The following WDR72 variants were observed in gnomAD, a reference collection of about 807,000 sequenced individuals.
WDR72 encodes the protein WD repeat domain 72.
WDR72 carries 120 observed loss-of-function variants against 124.2 expected under a neutral mutation model. That is an observed-to-expected ratio of 0.97 (90% CI 0.83 to 1.12). WDR72 has a LOEUF of 1.12. Among genes scored for constraint, WDR72 ranks in the 50% most tolerant of loss-of-function variants. The probability of loss-of-function intolerance (pLI) is 0.00; values close to 1 mark genes in which losing one functional copy is unlikely to be tolerated. For missense variants in WDR72, 1,387 were observed against 1,278.8 expected, an observed-to-expected ratio of 1.08 and a Z score of -1.29; for synonymous variants, 452 against 441.7, an observed-to-expected ratio of 1.02 and a Z score of -0.29.
At chr15:53,533,078 ACAAT>A (rs1223683598) in intron 18 of WDR72, among the ~76,000 whole-genome samples, 1 of 152,116 alleles carries the variant, frequency 6.6e-6, no homozygotes, top group Non-Finnish European at 1.5e-5. Context: ...GACGAGCAAC[ACAAT>A]CAACCAACCA....
chr15:53,608,979 T>G (rs1379181432), intron 17 of WDR72, among the ~76,000 whole-genome samples: 2 of 151,988 alleles, frequency 1.3e-5, no homozygotes, highest in African/African-American at 4.8e-5. Context: ...TAATTTTACT[T>G]TTTAAGATAA....
intron 7 of WDR72, among the ~76,000 whole-genome samples, chr15:53,712,376 T>C (rs766706649): frequency 3.9e-5 from 6 of 152,136 alleles, no homozygotes; most frequent in Non-Finnish European, 8.8e-5. Flanking sequence ...GGTGGGCAGA[T>C]CACGAGGTCA....
At chr15:53,664,375 C>G (rs540831478) in intron 14 of WDR72, among the ~76,000 whole-genome samples, 2 of 152,260 alleles carry the variant, frequency 1.3e-5, no homozygotes, top group South Asian at 4.1e-4. Flanking sequence ...GTTGACAAAT[C>G]CTAGACTCAC....
At chr15:53,666,491 C>G (rs747466208) in intron 13 of WDR72, among the ~76,000 whole-genome samples, 3 of 152,042 alleles carry the variant, frequency 2.0e-5, no homozygotes, top group Non-Finnish European at 4.4e-5. Flanking sequence ...AAATACAATG[C>G]CATACACTCA....
intron 18 of WDR72, among the ~76,000 whole-genome samples, chr15:53,563,276 T>G (rs1026275544): frequency 3.3e-5 from 5 of 151,782 alleles, no homozygotes; most frequent in African/African-American, 1.2e-4. Context: ...ACTAATTTAT[T>G]AAATTGGAAA....
In WDR72 at chr15:53,656,407, A is replaced by G. The variant is rs914418167; in HGVS notation, c.1962+9165T>C. Among the ~76,000 whole-genome samples, 4 of 152,126 alleles carry G rather than the reference A, an allele frequency of 2.6e-5. No individual in the cohort carries two copies. In the East Asian group the frequency reaches 5.9e-4, roughly 22 times the overall value. On this transcript the variant is annotated intron_variant, in intron 14 of 19. Coordinates refer to ENST00000360509, the MANE Select transcript of WDR72 (RefSeq NM_182758.4). ...TCATGCTCTTAGTTCCAATAAATAA[A>G]GATAAAGTCTTAATACATTTTGTTT...
intron 1 of WDR72, among the ~76,000 whole-genome samples, chr15:53,746,162 A>G (rs894718788): frequency 3.3e-5 from 5 of 152,190 alleles, no homozygotes; most frequent in African/African-American, 9.6e-5. Context: ...ACACGCCATT[A>G]CAGCTCCCAT....
chr15:53,530,974 C>CCA (rs1892425514), intron 18 of WDR72, among the ~76,000 whole-genome samples: 1 of 152,014 alleles, frequency 6.6e-6, no homozygotes, highest in Non-Finnish European at 1.5e-5. Context: ...ACAGCCATCT[C>CCA]TATCTCAAGG....
At chr15:53,517,915 C>G (rs1891553005) in intron 19 of WDR72, among the ~76,000 whole-genome samples, 161 bp from the exon 20 acceptor site, 1 of 151,848 alleles carries the variant, frequency 6.6e-6, no homozygotes, top group Non-Finnish European at 1.5e-5. Context: ...AAAGGTATTG[C>G]TTATAATTTC....
At position 53,693,523 on chromosome 15, in the gene WDR72, C is replaced by T. The variant is rs182886240; in HGVS notation, c.1765+6227G>A. ...AGCTGTTGGTTGACAAAACTCATTT[C>T]TTTATATTTTTATCTTTTCCTTTTT... is the stretch of plus-strand genomic sequence containing the variant. On this transcript the variant is annotated intron_variant, in intron 13 of 19. Coordinates refer to ENST00000360509, the MANE Select transcript of WDR72 (RefSeq NM_182758.4). Among the ~76,000 whole-genome samples the T allele has an allele frequency of 4.1e-3, 628 of 152,198 alleles. 2 individuals are homozygous for T. Among genetic ancestry groups the T allele is most frequent in the Non-Finnish European group, 6.6e-3 (446 of 67,978 alleles).
intron 14 of WDR72, among the ~76,000 whole-genome samples, chr15:53,630,210 G>A (rs2014372089): frequency 6.6e-6 from 1 of 152,162 alleles, no homozygotes; most frequent in African/African-American, 2.4e-5. Flanking sequence ...AATTGAATTA[G>A]TAGTTAAACA....
chr15:53,521,544 A>ATTCT (rs957535434), intron 19 of WDR72, among the ~76,000 whole-genome samples: 1 of 152,084 alleles, frequency 6.6e-6, no homozygotes, highest in African/African-American at 2.4e-5. Flanking sequence ...TTGAGTTAAG[A>ATTCT]TTCTTTATCA....
intron 18 of WDR72, among the ~76,000 whole-genome samples, chr15:53,591,685 AACACACAC>A (rs67873847): frequency 0.053 from 7,924 of 148,958 alleles, 236 homozygotes; most frequent in Middle Eastern, 0.087. Context: ...CAACACACAC[AACACACAC>A]ACACACACAC....
chr15:53,563,479 G>T (rs1462080676), intron 18 of WDR72, among the ~76,000 whole-genome samples: 1 of 151,652 alleles, frequency 6.6e-6, no homozygotes, highest in African/African-American at 2.4e-5. Context: ...TTTTAATTTA[G>T]GATTGGGGGT....
intron 13 of WDR72, among the ~76,000 whole-genome samples, chr15:53,691,669 AGATAGAT>A (rs1198096420): frequency 5.4e-5 from 6 of 110,768 alleles, no homozygotes; most frequent in African/African-American, 2.0e-4. Context: ...ATAGATAGAT[AGATAGAT>A]GTTTAACAAA....
At chr15:53,715,466 A>T in intron 4 of WDR72, 99 bp from the exon 5 acceptor site, 1 of 1,422,700 alleles carries the variant, frequency 7.0e-7, no homozygotes, top group Non-Finnish European at 9.8e-7. Flanking sequence ...TTAGCATATG[A>T]TCAATTAAGG....
In WDR72 at chr15:53,514,109, C is replaced by T. The variant is rs1316633582; in HGVS notation, c.*3590G>A. On this transcript the variant is annotated 3_prime_UTR_variant, in exon 20 of 20. Transcript: ENST00000360509. ...CCTACTCAAGTAAGTTTTAATTTTG[C>T]AACTCTTTTGGTTAAGCTAATTTTT... 1 of 152,156 alleles carries T rather than the reference C, an allele frequency of 6.6e-6. No homozygotes were observed. The highest frequency in any genetic ancestry group is 2.4e-5 in the African/African-American group (1 of 41,440). 9.4% of individuals were successfully genotyped at this position (152,156 alleles called of 1,614,324 possible).
rs148593734 is a variant in WDR72 at position 53,726,220 on chromosome 15, G to GTA, written c.154-3314_154-3313dup. Among the ~76,000 whole-genome samples, 567 of 136,440 alleles carry GTA rather than the reference G, an allele frequency of 4.2e-3. 6 individuals carry two copies. The highest frequency in any genetic ancestry group is 0.013 in the African/African-American group (443 of 34,752). The allele number at this position is 136,440 out of a possible 152,430, so 89.5% of individuals were successfully genotyped here. ...TGTGTGTGTATATATATATGTATGT[G>GTA]TATATATATATATATGTATGTGTGT... is the stretch of plus-strand genomic sequence containing the variant. On this transcript the variant is annotated intron_variant, in intron 2 of 19. Coordinates refer to ENST00000360509, the MANE Select transcript of WDR72 (RefSeq NM_182758.4).
At chr15:53,761,771 C>T (rs978895926), upstream of WDR72, among the ~76,000 whole-genome samples, 1 of 152,088 alleles carries the variant, frequency 6.6e-6, no homozygotes. Flanking sequence ...AAGGCTGCAG[C>T]TAGCTGTACC....
Sources: allele counts gnomAD v4.1 joint callset (sites outside exome capture counted in the v4.1 genomes callset), GRCh38; gene constraint gnomAD v4.1.1; transcripts MANE v1.5; gene names NCBI Gene and HGNC (gene_info 2026-07-23, HGNC 2026-07-21).